The following CMYA5 variants were observed in gnomAD, a reference collection of about 807,000 sequenced individuals.
CMYA5 encodes cardiomyopathy-associated protein 5.
In CMYA5, 246 loss-of-function variants were observed where a neutral mutation model predicts 318.9. The ratio of observed to expected loss-of-function variants is 0.77; its 90% confidence interval spans 0.70 to 0.86. The LOEUF (loss-of-function observed/expected upper bound fraction) is 0.86. Among genes scored for constraint, CMYA5 ranks in the 40% least tolerant of loss-of-function variants. The pLI is 0.00. For synonymous variants in CMYA5, 1,641 were observed against 1,729.5 expected, an observed-to-expected ratio of 0.95 and a Z score of 1.27; for missense variants, 4,589 against 4,678.2, an observed-to-expected ratio of 0.98 and a Z score of 0.56.
At chr5:79,696,076 C>T (rs1254452440) in intron 1 of CMYA5, among the ~76,000 whole-genome samples, 1 of 152,306 alleles carries the variant, frequency 6.6e-6, no homozygotes, top group East Asian at 1.9e-4. Flanking sequence ...CTACAAGAAG[C>T]AAGTTTAGTT....
At chr5:79,762,030 T>G in intron 8 of CMYA5, 73 bp downstream of exon 8, 1 of 1,474,182 alleles carries the variant, frequency 6.8e-7, no homozygotes, top group Non-Finnish European at 9.1e-7. Context: ...GATCAGCCAG[T>G]AAGTGTTTAT....
At chr5:79,705,141 G>T (rs964883059) in intron 1 of CMYA5, among the ~76,000 whole-genome samples, 6 of 152,060 alleles carry the variant, frequency 3.9e-5, no homozygotes, top group African/African-American at 1.2e-4. Context: ...GCGTGGTGGC[G>T]CACGCCTGTA....
At position 79,730,487 on chromosome 5, in the gene CMYA5, T is replaced by G; in HGVS notation, c.1722T>G (p.His574Gln). 1 of 1,613,926 alleles carries G rather than the reference T, an allele frequency of 6.2e-7. No homozygotes were observed. ...TATTGGCAGCATCATCTCCTGAACA[T>G]GTTGCTTTGTCTGAGGAAGAAAGAG... ...LPLLAASSPE[H>Q]VALSEEEREE... The change falls in exon 2 of 13, where the codon CAT becomes CAG. Residue 574 changes from histidine (H) to glutamine (Q), a missense_variant. Around this residue, in one of 3 missense-constraint regions of CMYA5, gnomAD observed 2,132 missense variants for 2,131.3 expected, o/e 1.00. Transcript: ENST00000446378.
Position 79,790,975 on chromosome 5 carries a change from A to G in CMYA5, c.11695A>G (p.Arg3899Gly). 6.2e-7 allele frequency: 1 copy of G among 1,611,628 alleles called. No homozygotes were observed. The highest frequency in any genetic ancestry group is 1.1e-5 in the South Asian group (1 of 90,864). Residue 3899 changes from arginine to glycine, a missense_variant, in exon 11 of 13, where the codon AGA becomes GGA. Arg to Gly is a moderately radical substitution (Grantham distance 125, BLOSUM62 -2). Coordinates refer to ENST00000446378, the MANE Select transcript of CMYA5 (RefSeq NM_153610.5). ...TATTTTCTCACCTGCAATAGGAACC[A>G]GATTTCTCTTGTTGAGAGAAACAGC... Reference protein sequence around the residue: ...EAALISTRGTRFLLLRETAHP... With the variant: ...EAALISTRGTGFLLLRETAHP...
At chr5:79,798,296 C>T (rs1252082934) in intron 12 of CMYA5, among the ~76,000 whole-genome samples, 1 of 152,070 alleles carries the variant, frequency 6.6e-6, no homozygotes, top group Non-Finnish European at 1.5e-5. Context: ...CCAAACTGCC[C>T]TGGTGTTGCT....
At chr5:79,797,094 C>G (rs912156948) in intron 12 of CMYA5, among the ~76,000 whole-genome samples, 18 of 152,232 alleles carry the variant, frequency 1.2e-4, no homozygotes, top group Non-Finnish European at 2.6e-4. Flanking sequence ...ATCACTACAG[C>G]TCCCATTTTC....
rs747442785 is a variant in CMYA5 at position 79,728,971 on chromosome 5, C to T, written c.206C>T (p.Pro69Leu). The T allele has an allele frequency of 5.6e-6, 9 of 1,613,104 alleles. No individual in the cohort carries two copies. The highest frequency in any genetic ancestry group is 1.3e-5 in the African/African-American group (1 of 74,816). ...AAGCAGGAGTATATCATATCTGACCCCTCCTTTTCCATGGTGACAGTCCAA... is the reference window on the plus strand; with the variant it reads ...AAGCAGGAGTATATCATATCTGACCTCTCCTTTTCCATGGTGACAGTCCAA... ...KIKQEYIISDPSFSMVTVQRE... is the reference protein window; with the variant it reads ...KIKQEYIISDLSFSMVTVQRE... The change falls in exon 2 of 13, where the codon CCC becomes CTC. Residue 69 changes from proline to leucine, a missense_variant. By Grantham distance (98) the Pro-to-Leu change is moderately conservative. Transcript: ENST00000446378.
At chr5:79,774,694 T>C (rs190124563) in intron 9 of CMYA5, among the ~76,000 whole-genome samples, 1 of 152,184 alleles carries the variant, frequency 6.6e-6, no homozygotes, top group Admixed American at 6.6e-5. Context: ...GGAGTTGGGC[T>C]CAGGGTGCTG....
intron 9 of CMYA5, among the ~76,000 whole-genome samples, chr5:79,766,333 C>A (rs1308704877): frequency 6.6e-6 from 1 of 152,206 alleles, no homozygotes; most frequent in African/African-American, 2.4e-5. Flanking sequence ...AATTTCCTGA[C>A]CTTGTGCTCC....
intron 1 of CMYA5, among the ~76,000 whole-genome samples, chr5:79,716,586 A>T (rs1297898303): frequency 6.6e-6 from 1 of 152,242 alleles, no homozygotes; most frequent in African/African-American, 2.4e-5. Context: ...CTAACAAGTA[A>T]ATTACTATCA....
At position 79,737,822 on chromosome 5, in the gene CMYA5, T is replaced by C; in HGVS notation, c.9057T>C (p.Asn3019=). The part of the protein sequence containing the change: ...EDEKVTPLKE[N]KQKETHKTKE... Reference sequence around the variant, plus strand: ...AAAAAGTTACCCCATTGAAAGAAAATAAACAAAAGGAAACTCATAAGACAA... The same window carrying C: ...AAAAAGTTACCCCATTGAAAGAAAACAAACAAAAGGAAACTCATAAGACAA... Residue 3019 remains asparagine (N), a synonymous_variant, in exon 2 of 13, where the codon AAT becomes AAC. Transcript: ENST00000446378. 6.2e-7 allele frequency: 1 copy of C among 1,605,176 alleles called. No homozygotes were observed. The highest frequency in any genetic ancestry group is 1.1e-5 in the South Asian group (1 of 88,272).
At chr5:79,753,587 AAACAAC>A (rs143793468) in intron 6 of CMYA5, among the ~76,000 whole-genome samples, 1 of 151,526 alleles carries the variant, frequency 6.6e-6, no homozygotes, top group Non-Finnish European at 1.5e-5. Context: ...CCATGTCTAA[AAACAAC>A]AACAACAACA....
At chr5:79,755,610 T>C (rs748773482) in intron 6 of CMYA5, among the ~76,000 whole-genome samples, 3 of 152,198 alleles carry the variant, frequency 2.0e-5, no homozygotes, top group Admixed American at 1.3e-4. Flanking sequence ...TTCAAGTTTA[T>C]TACTGTAAAA....
intron 8 of CMYA5, 106 bp downstream of exon 8, chr5:79,762,063 TG>T: frequency 7.7e-7 from 1 of 1,292,796 alleles, no homozygotes; most frequent in Admixed American, 2.8e-5. Context: ...GTGTGTTGAG[TG>T]TTGTGCAAAG....
chr5:79,733,552 T>C lies in CMYA5; in HGVS notation c.4787T>C (p.Val1596Ala), dbSNP rs1827971444. 6.2e-7 allele frequency: 1 copy of C among 1,613,834 alleles called. No individual in the cohort carries two copies. Among genetic ancestry groups the C allele is most frequent in the Non-Finnish European group, 8.5e-7 (1 of 1,179,806 alleles). ...LLSDDKNKPA[V>A]EVSSTAQGDF... is the part of the protein sequence containing the mutation. ...AGTGATGATAAGAACAAACCGGCAG[T>C]GGAGGTATCTTCTACAGCTCAGGGA... The change falls in exon 2 of 13, where the codon GTG becomes GCG. Residue 1596 changes from valine to alanine, a missense_variant. Val to Ala is a moderately conservative substitution (Grantham distance 64, BLOSUM62 0). Coordinates refer to ENST00000446378, the MANE Select transcript of CMYA5 (RefSeq NM_153610.5).
At chr5:79,725,764 C>T (rs1420911642) in intron 1 of CMYA5, among the ~76,000 whole-genome samples, 2 of 152,074 alleles carry the variant, frequency 1.3e-5, no homozygotes, top group African/African-American at 4.8e-5. Context: ...ATTAGCCGGG[C>T]GTTATGACAC....
intron 3 of CMYA5, among the ~76,000 whole-genome samples, chr5:79,744,564 G>A (rs1009918459): frequency 2.6e-5 from 4 of 152,192 alleles, no homozygotes; most frequent in Non-Finnish European, 5.9e-5. Context: ...CTACTACTGG[G>A]GCCGCTCCAC....
At chr5:79,756,555 A>G (rs1464838503) in intron 6 of CMYA5, among the ~76,000 whole-genome samples, 3 of 152,162 alleles carry the variant, frequency 2.0e-5, no homozygotes, top group African/African-American at 7.2e-5. Flanking sequence ...AACAGAGGGG[A>G]TGGATCTGGT....
At position 79,799,337 on chromosome 5, in the gene CMYA5, G is replaced by T; in HGVS notation, c.11964-33G>T. 6.4e-7 allele frequency: 1 copy of T among 1,569,452 alleles called. No individual in the cohort carries two copies. Among genetic ancestry groups the T allele is most frequent in the Non-Finnish European group, 8.7e-7 (1 of 1,152,502 alleles). On this transcript the variant is annotated intron_variant, in intron 12 of 12. Transcript: ENST00000446378. Reference sequence around the variant, plus strand: ...CTTTTCAAATTCCTTGAGATTTCCAGAGTTTTATGTTTCCCATTCGCTTTC... The same window carrying T: ...CTTTTCAAATTCCTTGAGATTTCCATAGTTTTATGTTTCCCATTCGCTTTC...
Sources: gnomAD v4.1 joint callset for allele counts (sites outside exome capture counted in the v4.1 genomes callset) on GRCh38, gnomAD v4.1.1 for gene constraint, gnomAD v4.1.1 regional missense constraint, MANE v1.5 for transcripts, NCBI Gene and HGNC (gene_info 2026-07-23, HGNC 2026-07-21) for gene names.